Variants in ZNF267 observed in about 807,000 individuals in gnomAD.
ZNF267 encodes the protein zinc finger (C2H2).
Under a neutral mutation model 71.6 loss-of-function variants are expected in ZNF267, and 61 were observed. That is an observed-to-expected ratio of 0.85 (90% CI 0.69 to 1.05). ZNF267 has a LOEUF of 1.05. Among genes scored for constraint, ZNF267 ranks in the 50% least tolerant of loss-of-function variants. ZNF267 has a pLI of 0.00. For missense variants in ZNF267, 852 were observed against 870.0 expected (o/e 0.98, Z 0.26); for synonymous variants, 288 against 293.2 (o/e 0.98, Z 0.18).
At chr16:31,910,962 G>A (rs1596630712) in intron 3 of ZNF267, among the ~76,000 whole-genome samples, 1 of 151,394 alleles carries the variant, frequency 6.6e-6, no homozygotes, top group Non-Finnish European at 1.5e-5. Flanking sequence ...TTTCATTGAG[G>A]AGCGTATTGT....
rs566549975 is a variant in ZNF267 at position 31,879,598 on chromosome 16, A to G, written c.4-4900A>G. On this transcript the variant is annotated intron_variant, in intron 1 of 3. Transcript: ENST00000300870. ...TTTCCCTCTTTGATTTCTGTTCACA[A>G]CCCACATTTGTGCAGCAAAGTGCCC... Among the ~76,000 whole-genome samples, 20 of 152,266 alleles carry G rather than the reference A, an allele frequency of 1.3e-4. No individual in the cohort carries two copies. In the East Asian group the frequency reaches 3.3e-3, roughly 25 times the overall value.
At chr16:31,896,931 ATATTT>A (rs1015103127) in intron 3 of ZNF267, among the ~76,000 whole-genome samples, 4 of 152,038 alleles carry the variant, frequency 2.6e-5, no homozygotes, top group African/African-American at 9.7e-5. Context: ...TTATTCACAT[ATATTT>A]TATTTTTTCA....
At chr16:31,885,485 C>T (rs779014335) in intron 3 of ZNF267, among the ~76,000 whole-genome samples, 13 of 152,216 alleles carry the variant, frequency 8.5e-5, no homozygotes, top group Non-Finnish European at 1.2e-4. Context: ...TTCACAGTGA[C>T]AGCCAAAGTG....
chr16:31,877,477 A>G (rs1473602920), intron 1 of ZNF267, among the ~76,000 whole-genome samples: 1 of 152,148 alleles, frequency 6.6e-6, no homozygotes, highest in Admixed American at 6.5e-5. Flanking sequence ...CAGATTCGAG[A>G]TCAGAGAATG....
In ZNF267 at chr16:31,904,483, A is replaced by G. The variant is rs554098828; in HGVS notation, c.227-9993A>G. On this transcript the variant is annotated intron_variant, in intron 3 of 3. Coordinates refer to ENST00000300870, the MANE Select transcript of ZNF267 (RefSeq NM_003414.6). Reference sequence around the variant, plus strand: ...ATCTGGGTGCTCCTGTATGGGGTACATATATATTTAGGATAGTTAGCTCTT... The same window carrying G: ...ATCTGGGTGCTCCTGTATGGGGTACGTATATATTTAGGATAGTTAGCTCTT... Among the ~76,000 whole-genome samples, 533 of 152,340 alleles carry G rather than the reference A, an allele frequency of 3.5e-3. 3 individuals carry two copies. Among genetic ancestry groups the G allele is most frequent in the African/African-American group, 0.013 (525 of 41,578 alleles).
At chr16:31,898,906 C>A (rs1596622808) in intron 3 of ZNF267, among the ~76,000 whole-genome samples, 1 of 152,114 alleles carries the variant, frequency 6.6e-6, no homozygotes, top group African/African-American at 2.4e-5. Flanking sequence ...TCTGATAAAA[C>A]AGACTTTAAA....
intron 1 of ZNF267, among the ~76,000 whole-genome samples, chr16:31,879,691 T>C (rs964294607): frequency 1.6e-4 from 24 of 152,276 alleles, no homozygotes; most frequent in Admixed American, 5.9e-4. Flanking sequence ...GCTTCTAGAA[T>C]AGTTTGACTA....
chr16:31,911,145 G>A (rs574365131), intron 3 of ZNF267, among the ~76,000 whole-genome samples: 2 of 151,760 alleles, frequency 1.3e-5, no homozygotes, highest in African/African-American at 2.4e-5. Flanking sequence ...AGAAGAATGT[G>A]TGTTCTGTAG....
At chr16:31,905,339 CTGG>C (rs1228750173) in intron 3 of ZNF267, among the ~76,000 whole-genome samples, 1 of 146,758 alleles carries the variant, frequency 6.8e-6, no homozygotes. Flanking sequence ...GCCTGCCTTG[CTGG>C]ATTGGGGAAG....
intron 3 of ZNF267, among the ~76,000 whole-genome samples, chr16:31,900,359 A>G (rs1036195464): frequency 1.3e-5 from 2 of 152,202 alleles, no homozygotes; most frequent in African/African-American, 4.8e-5. Context: ...TTATTTTTCA[A>G]TATAAAGAAC....
chr16:31,905,537 C>T (rs2084081927), intron 3 of ZNF267, among the ~76,000 whole-genome samples: 1 of 152,140 alleles, frequency 6.6e-6, no homozygotes, highest in African/African-American at 2.4e-5. Context: ...TCATTCATTT[C>T]ATCTTCCATC....
intron 3 of ZNF267, among the ~76,000 whole-genome samples, chr16:31,891,713 T>C (rs2083961681): frequency 2.0e-5 from 3 of 152,256 alleles, no homozygotes; most frequent in South Asian, 4.1e-4. Flanking sequence ...TCCACCATGA[T>C]TGTGAGGCCT....
intron 3 of ZNF267, chr16:31,913,806 G>C (rs1391708931): frequency 6.6e-6 from 1 of 152,290 alleles, no homozygotes; most frequent in Non-Finnish European, 1.5e-5. Context: ...GTCAGCTTAT[G>C]ATGACTGCTT....
At chr16:31,905,606 G>A (rs1351981496) in intron 3 of ZNF267, among the ~76,000 whole-genome samples, 2 of 152,070 alleles carry the variant, frequency 1.3e-5, no homozygotes, top group African/African-American at 2.4e-5. Context: ...CATTCGTCAC[G>A]TAGTTCGTGT....
chr16:31,902,361 T>C (rs1339215327), intron 3 of ZNF267, among the ~76,000 whole-genome samples: 1 of 152,164 alleles, frequency 6.6e-6, no homozygotes, highest in African/African-American at 2.4e-5. Flanking sequence ...GGGGATGGCA[T>C]TGAATCTGTA....
chr16:31,899,970 G>C (rs1245755714), intron 3 of ZNF267, among the ~76,000 whole-genome samples: 1 of 151,506 alleles, frequency 6.6e-6, no homozygotes, highest in Admixed American at 6.6e-5. Flanking sequence ...CATTTTAATT[G>C]AACCCTTGGT....
intron 3 of ZNF267, among the ~76,000 whole-genome samples, chr16:31,889,061 C>CT (rs996815561): frequency 4.7e-5 from 7 of 150,256 alleles, no homozygotes; most frequent in Non-Finnish European, 8.9e-5. Context: ...TCTAAGTTAT[C>CT]TTTTTTTGTT....
chr16:31,910,537 C>T (rs2084127761), intron 3 of ZNF267, among the ~76,000 whole-genome samples: 1 of 151,716 alleles, frequency 6.6e-6, no homozygotes, highest in South Asian at 2.1e-4. Context: ...AGTTGGCATA[C>T]AGTTGTTAAT....
chr16:31,894,534 A>T, intron 3 of ZNF267: 1 of 511,470 alleles, frequency 2.0e-6, no homozygotes, highest in South Asian at 1.5e-5. Context: ...CTAACAAACT[A>T]CATCTTTCAA....
Sources: allele counts gnomAD v4.1 joint callset (sites outside exome capture counted in the v4.1 genomes callset), GRCh38; gene constraint gnomAD v4.1.1; transcripts MANE v1.5; gene names NCBI Gene and HGNC (gene_info 2026-07-23, HGNC 2026-07-21).